KIZ: variants seen among roughly 807,000 people sequenced by gnomAD.
KIZ encodes centrosomal protein kizuna.
In KIZ, 68 loss-of-function variants were observed where a neutral mutation model predicts 79.6. The ratio of observed to expected loss-of-function variants is 0.85; its 90% confidence interval spans 0.70 to 1.05. The LOEUF (loss-of-function observed/expected upper bound fraction) is 1.05, where lower values mean the gene tolerates loss of function less well. Among genes scored for constraint, KIZ ranks in the 50% least tolerant of loss-of-function variants. The pLI, the probability that KIZ is intolerant of heterozygous loss-of-function variation, is 0.00. For missense variants in KIZ, 797 were observed against 800.4 expected (o/e 1.00, Z 0.05); for synonymous variants, 280 against 281.8 (o/e 0.99, Z 0.06).
intron 6 of KIZ, among the ~76,000 whole-genome samples, chr20:21,183,443 A>G (rs561620778): frequency 6.6e-6 from 1 of 152,232 alleles, no homozygotes; most frequent in South Asian, 2.1e-4. Context: ...AAGCTTAAAA[A>G]CCATGGACCG....
rs367943148 is a variant in KIZ at position 21,246,577 on chromosome 20, C to T, written c.*1C>T. Reference sequence around the variant, plus strand: ...TGATTCTGATGATTTTTATGACTAACGTGCTGTGACATTGGTTTCAAATAA... The same window carrying T: ...TGATTCTGATGATTTTTATGACTAATGTGCTGTGACATTGGTTTCAAATAA... On this transcript the variant is annotated 3_prime_UTR_variant, in exon 13 of 13. Coordinates refer to ENST00000619189, the MANE Select transcript of KIZ (RefSeq NM_018474.6). 487 of 1,562,134 alleles carry T rather than the reference C, an allele frequency of 3.1e-4. No individual in the cohort carries two copies. The highest frequency in any genetic ancestry group is 4.0e-4 in the Non-Finnish European group (456 of 1,135,532).
chr20:21,164,606 C>T (rs1036723399), intron 6 of KIZ, among the ~76,000 whole-genome samples: 17 of 152,124 alleles, frequency 1.1e-4, no homozygotes, highest in African/African-American at 4.1e-4. Context: ...TACACTTACC[C>T]AGGACTCAGT....
chr20:21,194,622 A>G (rs1273444685), intron 6 of KIZ: 5 of 152,208 alleles, frequency 3.3e-5, no homozygotes, highest in Non-Finnish European at 7.3e-5. Context: ...CTCTGTGCAT[A>G]GTGCTTGTGG....
At chr20:21,213,200 C>A (rs545127520) in intron 7 of KIZ, among the ~76,000 whole-genome samples, 1 of 152,216 alleles carries the variant, frequency 6.6e-6, no homozygotes, top group Admixed American at 6.5e-5. Flanking sequence ...TGCCTTGAAG[C>A]GTCTGAAATG....
chr20:21,229,603 G>T (rs1287118980), intron 10 of KIZ, among the ~76,000 whole-genome samples: 1 of 151,750 alleles, frequency 6.6e-6, no homozygotes, highest in Non-Finnish European at 1.5e-5. Flanking sequence ...TGTGAGACAG[G>T]GTCTTGCTCT....
intron 6 of KIZ, among the ~76,000 whole-genome samples, chr20:21,186,233 C>T (rs80253573): frequency 0.015 from 2,206 of 152,136 alleles, 48 homozygotes; most frequent in African/African-American, 0.05. Flanking sequence ...TTGAAAAGCA[C>T]TGCTTTCCAG....
chr20:21,243,923 C>A (rs1275637617), intron 11 of KIZ, among the ~76,000 whole-genome samples: 1 of 152,156 alleles, frequency 6.6e-6, no homozygotes, highest in Non-Finnish European at 1.5e-5. Flanking sequence ...GAAACCGGTC[C>A]CCTGCCTCAG....
intron 6 of KIZ, among the ~76,000 whole-genome samples, chr20:21,193,055 AC>A (rs2035182247): frequency 6.6e-6 from 1 of 151,902 alleles, no homozygotes; most frequent in African/African-American, 2.4e-5. Context: ...GCTTTGAGAG[AC>A]AGGAGGGAGG....
chr20:21,192,201 A>G lies in KIZ; in HGVS notation c.1353-13290A>G, dbSNP rs1463135442. ...CTTGCCTCTTCCCACCTTTCTGAATACAAGGTATTTCTGAATTACATGTTC... is the reference window on the plus strand; with the variant it reads ...CTTGCCTCTTCCCACCTTTCTGAATGCAAGGTATTTCTGAATTACATGTTC... On this transcript the variant is annotated intron_variant, in intron 6 of 12. Coordinates refer to ENST00000619189, the MANE Select transcript of KIZ (RefSeq NM_018474.6). 8.6e-5 allele frequency among the ~76,000 whole-genome samples: 13 copies of G among 151,960 alleles called. No individual in the cohort carries two copies. The East Asian group carries it at 2.5e-3, about 29-fold the overall frequency.
At chr20:21,236,581 C>CA (rs1404061279) in intron 11 of KIZ, among the ~76,000 whole-genome samples, 25 of 152,218 alleles carry the variant, frequency 1.6e-4, no homozygotes, top group African/African-American at 5.5e-4. Flanking sequence ...ACATCATAGA[C>CA]AGTGCTCCTG....
chr20:21,201,016 C>CA (rs912241047), intron 6 of KIZ, among the ~76,000 whole-genome samples: 3 of 151,700 alleles, frequency 2.0e-5, no homozygotes, highest in Non-Finnish European at 2.9e-5. Context: ...CCCATCTCTA[C>CA]AAAAAAATAC....
intron 4 of KIZ, among the ~76,000 whole-genome samples, chr20:21,147,994 T>TGTGTGG (rs1305964631): frequency 4.6e-5 from 7 of 151,134 alleles, no homozygotes; most frequent in African/African-American, 1.7e-4. Context: ...TGTGTGTGTG[T>TGTGTGG]GGCAGCAGAT....
rs1237687931 is a variant in KIZ at position 21,126,123 on chromosome 20, G to A, written c.8G>A (p.Arg3Gln). 5.9e-6 allele frequency: 9 copies of A among 1,514,142 alleles called. No individual in the cohort carries two copies. The highest frequency in any genetic ancestry group is 1.4e-5 in the African/African-American group (1 of 69,314). 93.8% of individuals were successfully genotyped at this position (1,514,142 alleles called of 1,614,324 possible). A position where few individuals can be genotyped will look rare whatever the true frequency, so the allele number is the denominator to read the frequency against. MSRTLASAVPLSS... is the reference protein window; with the variant it reads MSQTLASAVPLSS... ...TGGCGCAGCGGCAGCAGCATGAGCCGGACCCTCGCATCGGCCGTGCCCCTG... is the reference window on the plus strand; with the variant it reads ...TGGCGCAGCGGCAGCAGCATGAGCCAGACCCTCGCATCGGCCGTGCCCCTG... The change falls in exon 1 of 13, where the codon CGG becomes CAG. Residue 3 changes from arginine to glutamine, a missense_variant. By Grantham distance (43) the Arg-to-Gln change is conservative (BLOSUM62 1). Transcript: ENST00000619189.
chr20:21,209,875 A>G (rs1447238442), intron 7 of KIZ, among the ~76,000 whole-genome samples: 1 of 152,244 alleles, frequency 6.6e-6, no homozygotes, highest in Non-Finnish European at 1.5e-5. Flanking sequence ...TTCTCTCTGT[A>G]TTGGTACCAC....
At chr20:21,154,087 C>G (rs922948787) in intron 4 of KIZ, 12 of 152,104 alleles carry the variant, frequency 7.9e-5, no homozygotes. Flanking sequence ...TAAGAACTTG[C>G]TTACATAGAA....
intron 3 of KIZ, among the ~76,000 whole-genome samples, chr20:21,143,261 G>A (rs1056626693): frequency 2.6e-5 from 4 of 152,090 alleles, no homozygotes; most frequent in African/African-American, 9.7e-5. Flanking sequence ...TTTAAACGTC[G>A]ATTCAGTTCA....
chr20:21,142,022 T>C (rs1391085932), intron 3 of KIZ, among the ~76,000 whole-genome samples: 2 of 150,808 alleles, frequency 1.3e-5, no homozygotes, highest in Non-Finnish European at 3.0e-5. Context: ...CTTCTCCAGA[T>C]CCTCTAACTC....
intron 9 of KIZ, among the ~76,000 whole-genome samples, chr20:21,217,626 C>G (rs2036346639): frequency 6.6e-6 from 1 of 152,152 alleles, no homozygotes; most frequent in South Asian, 2.1e-4. Flanking sequence ...CTCTTTTACT[C>G]CTTGCTCTGT....
At chr20:21,239,783 C>T (rs909387473) in intron 11 of KIZ, among the ~76,000 whole-genome samples, 8 of 152,196 alleles carry the variant, frequency 5.3e-5, no homozygotes, top group East Asian at 1.9e-4. Context: ...GGGCTGCTCT[C>T]GGATAAAACC....
Sources: allele counts gnomAD v4.1 joint callset (sites outside exome capture counted in the v4.1 genomes callset), GRCh38; gene constraint gnomAD v4.1.1; transcripts MANE v1.5; gene names NCBI Gene and HGNC (gene_info 2026-07-23, HGNC 2026-07-21).